Variants in LRFN5 observed in about 807,000 individuals in gnomAD.
LRFN5 encodes the protein leucine-rich repeat and fibronectin type-III domain-containing protein 5.
LRFN5 carries 24 observed loss-of-function variants against 45.6 expected under a neutral mutation model. The observed-to-expected ratio is 0.53, with a 90% confidence interval of 0.38 to 0.74. The LOEUF is 0.74. Ranked by LOEUF, LRFN5 falls within the 30% of genes least tolerant of loss-of-function variation. The pLI, the probability that LRFN5 is intolerant of heterozygous loss-of-function variation, is 0.00. For synonymous variants in LRFN5, 340 were observed against 313.8 expected, an observed-to-expected ratio of 1.08 and a Z score of -0.88; for missense variants, 776 against 861.5, an observed-to-expected ratio of 0.90 and a Z score of 1.24.
chr14:41,720,489 A>G (rs968733033), intron 1 of LRFN5, among the ~76,000 whole-genome samples: 21 of 152,158 alleles, frequency 1.4e-4, no homozygotes, highest in East Asian at 7.7e-4. Context: ...TTAATTTGAG[A>G]TCTTCCTAAC....
intron 2 of LRFN5, among the ~76,000 whole-genome samples, chr14:41,847,757 T>A (rs1477790174): frequency 6.6e-6 from 1 of 152,106 alleles, no homozygotes; most frequent in Non-Finnish European, 1.5e-5. Flanking sequence ...TGAATTATTT[T>A]TATCTTGCAC....
At chr14:41,830,164 G>A (rs1272540226) in intron 2 of LRFN5, among the ~76,000 whole-genome samples, 1 of 151,206 alleles carries the variant, frequency 6.6e-6, no homozygotes, top group African/African-American at 2.4e-5. Context: ...ATAAATCTGT[G>A]GTTTATATTT....
intron 1 of LRFN5, among the ~76,000 whole-genome samples, chr14:41,763,453 A>AT (rs1047772030): frequency 1.3e-5 from 2 of 151,930 alleles, no homozygotes; most frequent in African/African-American, 4.8e-5. Context: ...AGCTTTGCCC[A>AT]TTTTTTCTAA....
chr14:41,613,217 T>C (rs1482306880), intron 1 of LRFN5, among the ~76,000 whole-genome samples: 1 of 152,064 alleles, frequency 6.6e-6, no homozygotes, highest in Non-Finnish European at 1.5e-5. Flanking sequence ...GGCAGGAAAA[T>C]GTCAACCGAC....
intron 2 of LRFN5, among the ~76,000 whole-genome samples, chr14:41,771,415 C>G (rs1406671491): frequency 6.6e-6 from 1 of 151,892 alleles, no homozygotes; most frequent in Non-Finnish European, 1.5e-5. Flanking sequence ...GCAAATTTTC[C>G]AAACTTTTAT....
At chr14:41,688,313 T>C (rs1882211280) in intron 1 of LRFN5, among the ~76,000 whole-genome samples, 2 of 152,098 alleles carry the variant, frequency 1.3e-5, no homozygotes, top group South Asian at 2.1e-4. Flanking sequence ...TAAGAGAGTA[T>C]AGTTGGATTG....
In LRFN5 at chr14:41,767,057, T is replaced by C. The variant is rs1205365966; in HGVS notation, c.-21+28T>C. 2.6e-5 allele frequency: 4 copies of C among 152,624 alleles called. No homozygotes were observed. The East Asian group carries it at 7.7e-4, about 29-fold the overall frequency. 9.5% of individuals were successfully genotyped at this position (152,624 alleles called of 1,614,324 possible). On this transcript the variant is annotated intron_variant, in intron 2 of 5. Coordinates refer to ENST00000298119, the MANE Select transcript of LRFN5 (RefSeq NM_152447.5). ...AAGTTGATTGCATTCAGTTCAATCATTGTCAGTGGGTTTAAAACACTTAAG... is the reference window on the plus strand; with the variant it reads ...AAGTTGATTGCATTCAGTTCAATCACTGTCAGTGGGTTTAAAACACTTAAG...
chr14:41,815,033 C>T (rs1389489501), intron 2 of LRFN5, among the ~76,000 whole-genome samples: 1 of 152,102 alleles, frequency 6.6e-6, no homozygotes, highest in Non-Finnish European at 1.5e-5. Flanking sequence ...ACAAAGTAGT[C>T]TACAGATGTC....
chr14:41,633,194 G>A (rs190380419), intron 1 of LRFN5, among the ~76,000 whole-genome samples: 1 of 152,058 alleles, frequency 6.6e-6, no homozygotes, highest in East Asian at 1.9e-4. Context: ...CCCATGTTAT[G>A]TAGATATTCA....
intron 1 of LRFN5, among the ~76,000 whole-genome samples, chr14:41,667,387 T>C (rs1291978133): frequency 6.6e-6 from 1 of 152,188 alleles, no homozygotes; most frequent in Non-Finnish European, 1.5e-5. Flanking sequence ...ATTTTAGCAG[T>C]GCTGTCTAAT....
intron 1 of LRFN5, among the ~76,000 whole-genome samples, chr14:41,740,946 AG>A (rs1884663777): frequency 6.6e-6 from 1 of 152,068 alleles, no homozygotes; most frequent in African/African-American, 2.4e-5. Flanking sequence ...CTATCCAAAA[AG>A]AAATCAAGAA....
At chr14:41,624,111 A>C (rs1211503175) in intron 1 of LRFN5, among the ~76,000 whole-genome samples, 1 of 152,126 alleles carries the variant, frequency 6.6e-6, no homozygotes, top group Middle Eastern at 3.2e-3. Flanking sequence ...CTTGAGCTTC[A>C]GATATTCAGA....
chr14:41,858,600 C>T (rs1889554956), intron 2 of LRFN5, among the ~76,000 whole-genome samples: 1 of 152,080 alleles, frequency 6.6e-6, no homozygotes, highest in Non-Finnish European at 1.5e-5. Flanking sequence ...AGCAAGACAA[C>T]AAAGTAAAAC....
At chr14:41,901,809 C>G (rs537934835) in intron 5 of LRFN5, among the ~76,000 whole-genome samples, 15 of 151,844 alleles carry the variant, frequency 9.9e-5, no homozygotes, top group Non-Finnish European at 1.9e-4. Context: ...TGAGTGTGAT[C>G]AATGTAAAAT....
At chr14:41,711,866 C>T (rs190707803) in intron 1 of LRFN5, among the ~76,000 whole-genome samples, 267 of 152,118 alleles carry the variant, frequency 1.8e-3, no homozygotes, top group Non-Finnish European at 3.1e-3. Context: ...AATATAAAAC[C>T]GTTTTGTGTG....
intron 2 of LRFN5, among the ~76,000 whole-genome samples, chr14:41,810,624 C>G (rs1271164259): frequency 2.6e-5 from 4 of 152,118 alleles, no homozygotes; most frequent in South Asian, 2.1e-4. Flanking sequence ...TTCCTAAATT[C>G]TGAGGTAGAG....
intron 1 of LRFN5, among the ~76,000 whole-genome samples, chr14:41,666,735 T>C (rs1880917918): frequency 6.6e-6 from 1 of 152,092 alleles, no homozygotes; most frequent in African/African-American, 2.4e-5. Context: ...AATTTTTTTG[T>C]GGAATATGAA....
At chr14:41,841,393 G>T (rs1309001773) in intron 2 of LRFN5, among the ~76,000 whole-genome samples, 2 of 151,764 alleles carry the variant, frequency 1.3e-5, no homozygotes, top group African/African-American at 4.8e-5. Flanking sequence ...TTTCCCCTTT[G>T]AATTATTTTA....
At chr14:41,635,284 T>C (rs1366129464) in intron 1 of LRFN5, among the ~76,000 whole-genome samples, 1 of 152,158 alleles carries the variant, frequency 6.6e-6, no homozygotes, top group Non-Finnish European at 1.5e-5. Flanking sequence ...TGTATTTCCT[T>C]AAAATGTCTT....
Sources: allele counts gnomAD v4.1 joint callset (sites outside exome capture counted in the v4.1 genomes callset), GRCh38; gene constraint gnomAD v4.1.1; transcripts MANE v1.5; gene names NCBI Gene and HGNC (gene_info 2026-07-23, HGNC 2026-07-21).